CNOT6: variants seen among roughly 807,000 people sequenced by gnomAD.
CNOT6 encodes carbon catabolite repression 4 protein.
CNOT6 carries 12 observed loss-of-function variants against 61.2 expected under a neutral mutation model. That is an observed-to-expected ratio of 0.20 (90% CI 0.13 to 0.32). The LOEUF is 0.32. CNOT6 is among the 10% of genes least tolerant of loss of function. CNOT6 has a pLI of 1.00. For synonymous variants in CNOT6, 225 were observed against 240.6 expected (o/e 0.94, Z 0.60); for missense variants, 405 against 663.9 (o/e 0.61, Z 4.28).
At position 180,538,604 on chromosome 5, in the gene CNOT6, C is replaced by T. The variant is rs1032417136; in HGVS notation, c.112+9216C>T. Among the ~76,000 whole-genome samples, 6 of 150,522 alleles carry T rather than the reference C, an allele frequency of 4.0e-5. No individual in the cohort carries two copies. The South Asian group carries it at 1.3e-3, about 32-fold the overall frequency. ...TCAGGAGGCCTAGGCAGGAGAATTG[C>T]TTGAACCCGGGAGGCGGAGGTTGCA... On this transcript the variant is annotated intron_variant, in intron 2 of 11. Transcript: ENST00000261951.
At chr5:180,518,993 TG>T (rs1757770665) in intron 1 of CNOT6, among the ~76,000 whole-genome samples, 1 of 152,214 alleles carries the variant, frequency 6.6e-6, no homozygotes, top group Non-Finnish European at 1.5e-5. Context: ...ATTACAGGCG[TG>T]AGCCATATTG....
At chr5:180,527,436 A>T (rs986234888) in intron 1 of CNOT6, among the ~76,000 whole-genome samples, 12 of 152,182 alleles carry the variant, frequency 7.9e-5, no homozygotes, top group Admixed American at 5.2e-4. Context: ...CTTTAAAAAA[A>T]TTTTTAATTG....
At chr5:180,556,464 G>A (rs1244035843) in intron 4 of CNOT6, among the ~76,000 whole-genome samples, 1 of 152,156 alleles carries the variant, frequency 6.6e-6, no homozygotes, top group East Asian at 1.9e-4. Flanking sequence ...ATGTTGATTA[G>A]CCTGATTTGA....
At chr5:180,535,899 T>C (rs1313140451) in intron 2 of CNOT6, among the ~76,000 whole-genome samples, 1 of 152,148 alleles carries the variant, frequency 6.6e-6, no homozygotes, top group Non-Finnish European at 1.5e-5. Flanking sequence ...ATTTCTCTGA[T>C]GATTATTGAT....
intron 2 of CNOT6, among the ~76,000 whole-genome samples, chr5:180,533,892 T>C (rs1758534363): frequency 6.6e-6 from 1 of 152,126 alleles, no homozygotes; most frequent in African/African-American, 2.4e-5. Context: ...GACTCTGAAA[T>C]CTAAGGCTTC....
At chr5:180,503,591 G>A (rs1756987209) in intron 1 of CNOT6, among the ~76,000 whole-genome samples, 1 of 141,210 alleles carries the variant, frequency 7.1e-6, no homozygotes, top group African/African-American at 2.6e-5. Context: ...CTGACACTGT[G>A]CCCTACTTCC....
intron 4 of CNOT6, among the ~76,000 whole-genome samples, chr5:180,554,194 G>T (rs1759758208): frequency 6.6e-6 from 1 of 152,058 alleles, no homozygotes; most frequent in South Asian, 2.1e-4. Flanking sequence ...GAGGTGGGTG[G>T]ATATCTTGAG....
Position 180,574,381 on chromosome 5 carries a change from C to T in CNOT6, c.*181C>T. 1 of 613,502 alleles carries T rather than the reference C, an allele frequency of 1.6e-6. No individual in the cohort carries two copies. Among genetic ancestry groups the T allele is most frequent in the Non-Finnish European group, 2.9e-6 (1 of 345,566 alleles). The allele number at this position is 613,502 out of a possible 1,614,324, so 38.0% of individuals were successfully genotyped here. On this transcript the variant is annotated 3_prime_UTR_variant, in exon 12 of 12. Coordinates refer to ENST00000261951, the MANE Select transcript of CNOT6 (RefSeq NM_001370472.1). ...GTGCTAGCAACAGACAAATTCTGAG[C>T]CCAATATGCTTTATACTGCTAGACA...
intron 2 of CNOT6, among the ~76,000 whole-genome samples, chr5:180,538,423 C>T (rs990098222): frequency 6.6e-6 from 1 of 150,410 alleles, no homozygotes; most frequent in African/African-American, 2.4e-5. Context: ...CGGTGGCTCA[C>T]GCCTGTAATC....
At chr5:180,520,035 T>C (rs191709534) in intron 1 of CNOT6, among the ~76,000 whole-genome samples, 2 of 152,182 alleles carry the variant, frequency 1.3e-5, no homozygotes, top group East Asian at 1.9e-4. Flanking sequence ...GGTTTCACCA[T>C]GTTGGCCAGG....
chr5:180,517,457 T>C (rs1052908906), intron 1 of CNOT6, among the ~76,000 whole-genome samples: 1 of 151,108 alleles, frequency 6.6e-6, no homozygotes, highest in Non-Finnish European at 1.5e-5. Flanking sequence ...TAATGTCGAA[T>C]GGGAATTATA....
chr5:180,566,640 CTTTTTTTTTTT>C (rs70973940), intron 7 of CNOT6, among the ~76,000 whole-genome samples: 55 of 75,594 alleles, frequency 7.3e-4, no homozygotes, highest in Admixed American at 8.1e-4. Flanking sequence ...AAAGATGTTA[CTTTTTTTTTTT>C]TTTTTTTTTT....
intron 10 of CNOT6, among the ~76,000 whole-genome samples, chr5:180,570,386 AAG>A (rs1463034649): frequency 1.6e-4 from 24 of 152,126 alleles, no homozygotes; most frequent in African/African-American, 5.6e-4. Flanking sequence ...AAGAGAGAGA[AAG>A]AAAAACTGAG....
intron 11 of CNOT6, among the ~76,000 whole-genome samples, chr5:180,573,323 G>A (rs1244805725): frequency 6.6e-6 from 1 of 152,142 alleles, no homozygotes; most frequent in Non-Finnish European, 1.5e-5. Context: ...GAGCTGAGGT[G>A]TGATGAGAGA....
chr5:180,513,689 A>G (rs185592376), intron 1 of CNOT6, among the ~76,000 whole-genome samples: 2 of 116,142 alleles, frequency 1.7e-5, no homozygotes, highest in African/African-American at 5.8e-5. Context: ...TTATTTATTT[A>G]TTTATTTATT....
chr5:180,557,952 A>T (rs183904058), intron 4 of CNOT6, among the ~76,000 whole-genome samples: 14 of 152,346 alleles, frequency 9.2e-5, no homozygotes, highest in Admixed American at 8.5e-4. Flanking sequence ...CAGCAGCATT[A>T]TTGAAAGATG....
intron 3 of CNOT6, among the ~76,000 whole-genome samples, chr5:180,553,146 G>A (rs907254501): frequency 6.6e-6 from 1 of 151,574 alleles, no homozygotes; most frequent in African/African-American, 2.4e-5. Flanking sequence ...TAAAAATTGG[G>A]TCTTACATTT....
At chr5:180,540,717 T>C (rs1758989217) in intron 2 of CNOT6, among the ~76,000 whole-genome samples, 1 of 152,224 alleles carries the variant, frequency 6.6e-6, no homozygotes, top group Admixed American at 6.5e-5. Context: ...TATTGGACCC[T>C]AACCCCATTG....
chr5:180,558,337 G>T (rs1054540015), intron 4 of CNOT6, among the ~76,000 whole-genome samples: 1 of 152,068 alleles, frequency 6.6e-6, no homozygotes, highest in African/African-American at 2.4e-5. Context: ...GGAGAGTCTG[G>T]TGCAGGATCC....
Sources: gnomAD v4.1 joint callset for allele counts (sites outside exome capture counted in the v4.1 genomes callset) on GRCh38, gnomAD v4.1.1 for gene constraint, MANE v1.5 for transcripts, NCBI Gene and HGNC (gene_info 2026-07-23, HGNC 2026-07-21) for gene names.